Variants in DBR1 observed in about 807,000 individuals in gnomAD.
DBR1 encodes debranching RNA lariats 1.
In DBR1, 33 loss-of-function variants were observed where a neutral mutation model predicts 45.9. That is an observed-to-expected ratio of 0.72 (90% CI 0.55 to 0.96). DBR1 has a LOEUF of 0.96. Ranked by LOEUF, DBR1 falls within the 40% of genes least tolerant of loss-of-function variation. The probability of loss-of-function intolerance (pLI) is 0.00; values close to 1 mark genes in which losing one functional copy is unlikely to be tolerated. For synonymous variants in DBR1, 235 were observed against 235.9 expected (o/e 1.00, Z 0.04); for missense variants, 619 against 667.4 (o/e 0.93, Z 0.80).
At chr3:138,166,485 AAT>A (rs2042930945) in intron 5 of DBR1, among the ~76,000 whole-genome samples, 1 of 152,156 alleles carries the variant, frequency 6.6e-6, no homozygotes, top group Non-Finnish European at 1.5e-5. Context: ...CTTTTACATA[AAT>A]AGCCTGCTCT....
At chr3:138,162,641 G>A in intron 7 of DBR1, 59 bp from the exon 8 acceptor site, 1 of 1,379,718 alleles carries the variant, frequency 7.2e-7, no homozygotes, top group South Asian at 1.4e-5. Flanking sequence ...AATAAATGAT[G>A]AAATCTAATT....
chr3:138,174,212 G>T (rs1325066251), intron 1 of DBR1, among the ~76,000 whole-genome samples: 2 of 151,960 alleles, frequency 1.3e-5, no homozygotes, highest in Non-Finnish European at 2.9e-5. Flanking sequence ...AAAACTTCAG[G>T]ATCATTGAAT....
At chr3:138,170,299 C>A (rs533589629) in intron 3 of DBR1, 107 bp from the exon 4 acceptor site, 220 of 672,830 alleles carry the variant, frequency 3.3e-4, no homozygotes, top group Non-Finnish European at 3.5e-4. Flanking sequence ...TCAATATATA[C>A]GATTTTAAAA....
chr3:138,163,824 T>G lies in DBR1; in HGVS notation c.749A>C (p.Lys250Thr). 6.2e-7 allele frequency: 1 copy of G among 1,613,194 alleles called. No individual in the cohort carries two copies. The highest frequency in any genetic ancestry group is 8.5e-7 in the Non-Finnish European group (1 of 1,179,460). ...KDKGQTARAT[K>T]FLALDKCLPH... ...TAAGCATTTGTCCAAGGCTAAAAAT[T>G]TGGTTGCTCTGGCTGTCTGTCCTTT... Residue 250 changes from lysine to threonine, a missense_variant, in exon 6 of 8, where the codon AAA becomes ACA. Physicochemically the swap from Lys to Thr is moderately conservative, Grantham distance 78. Transcript: ENST00000260803.
At chr3:138,173,196 T>C (rs1429706918) in intron 2 of DBR1, among the ~76,000 whole-genome samples, 1 of 146,738 alleles carries the variant, frequency 6.8e-6, no homozygotes, top group Non-Finnish European at 1.5e-5. Flanking sequence ...TGCTTAAGAA[T>C]TTCTATTAAT....
intron 5 of DBR1, among the ~76,000 whole-genome samples, chr3:138,164,593 T>C (rs1372246005): frequency 6.6e-6 from 1 of 152,206 alleles, no homozygotes; most frequent in Non-Finnish European, 1.5e-5. Flanking sequence ...TTAGCACAAC[T>C]CTGGAAATTT....
In DBR1 at chr3:138,173,150, A is replaced by C. The variant is rs113044839; in HGVS notation, c.322+352T>G. On this transcript the variant is annotated intron_variant, in intron 2 of 7. Coordinates refer to ENST00000260803, the MANE Select transcript of DBR1 (RefSeq NM_016216.4). ...TAGTCGTTGAAGCTGGTTAACAGGT[A>C]CTGAGATTCATCATACTATTCTCTA... Among the ~76,000 whole-genome samples, 342 of 151,724 alleles carry C rather than the reference A, an allele frequency of 2.3e-3. 2 individuals carry two copies. The highest frequency in any genetic ancestry group is 7.6e-3 in the African/African-American group (316 of 41,416).
rs775292660 is a variant in DBR1 at position 138,173,504 on chromosome 3, AAAT to A, written c.317_319del (p.Tyr106del). The A allele has an allele frequency of 6.2e-7, 1 of 1,613,464 alleles. No individual in the cohort carries two copies. Among genetic ancestry groups the A allele is most frequent in the African/African-American group, 1.3e-5 (1 of 74,924 alleles). On this transcript the variant is annotated inframe_deletion, in exon 2 of 8. Coordinates refer to ENST00000260803, the MANE Select transcript of DBR1 (RefSeq NM_016216.4). ...TATCCACAAACACAATCACATACCTAAATAATAAATGTTTGGTGCCACCCAGCC... is the reference window on the plus strand; with the variant it reads ...TATCCACAAACACAATCACATACCTAAATAAATGTTTGGTGCCACCCAGCC...
intron 5 of DBR1, among the ~76,000 whole-genome samples, chr3:138,166,677 A>G (rs1261490440): frequency 1.3e-5 from 2 of 152,068 alleles, no homozygotes; most frequent in Non-Finnish European, 2.9e-5. Flanking sequence ...ATCAGTCCCT[A>G]TGCCTTAGTC....
intron 5 of DBR1, 127 bp from the exon 6 acceptor site, chr3:138,163,985 T>C: frequency 1.7e-6 from 1 of 579,548 alleles, no homozygotes; most frequent in Non-Finnish European, 2.9e-6. Flanking sequence ...AAGGAATGAC[T>C]GTTACTTTTC....
intron 4 of DBR1, among the ~76,000 whole-genome samples, chr3:138,168,801 G>GA (rs1422103768): frequency 2.0e-5 from 3 of 151,742 alleles, no homozygotes; most frequent in African/African-American, 7.3e-5. Context: ...TAAAAAATAT[G>GA]AAAAAAATTA....
intron 1 of DBR1, among the ~76,000 whole-genome samples, 184 bp downstream of exon 1, chr3:138,174,415 C>G (rs1473705264): frequency 2.0e-5 from 3 of 152,188 alleles, no homozygotes; most frequent in Non-Finnish European, 4.4e-5. Flanking sequence ...TGGTACCTAA[C>G]TGAATACAGT....
In DBR1 at chr3:138,162,237, T is replaced by C; in HGVS notation, c.1287A>G (p.Ile429Met). ...SALSSINPDE[I>M]MLDEEEDEDS... The stretch of plus-strand genomic sequence containing the variant: ...CTTCATCTTCTTCTTCATCTAACAT[T>C]ATTTCATCTGGATTAATAGAAGACA... The change falls in exon 8 of 8, where the codon ATA becomes ATG. Residue 429 changes from isoleucine to methionine, a missense_variant. Transcript: ENST00000260803. 2 of 1,614,160 alleles carry C rather than the reference T, an allele frequency of 1.2e-6. No homozygotes were observed. Among genetic ancestry groups the C allele is most frequent in the Non-Finnish European group, 1.7e-6 (2 of 1,180,004 alleles).
chr3:138,173,683 AGTTCC>A, intron 1 of DBR1, 57 bp from the exon 2 acceptor site: 1 of 1,501,824 alleles, frequency 6.7e-7, no homozygotes, highest in Non-Finnish European at 8.9e-7. Flanking sequence ...AAAGCAAATA[AGTTCC>A]GAAAAAAAAA....
intron 4 of DBR1, among the ~76,000 whole-genome samples, chr3:138,169,060 T>A (rs2042943167): frequency 6.6e-6 from 1 of 152,124 alleles, no homozygotes; most frequent in Non-Finnish European, 1.5e-5. Context: ...GAAAATCTAT[T>A]TAAGGGAACT....
chr3:138,163,690 G>T, intron 6 of DBR1, 88 bp downstream of exon 6: 1 of 1,014,890 alleles, frequency 9.9e-7, no homozygotes. Context: ...ATTACAAACA[G>T]AACAAAAAAA....
Position 138,174,731 on chromosome 3 carries a change from A to C in DBR1, c.65T>G (p.Leu22Arg). 6.2e-7 allele frequency: 1 copy of C among 1,612,812 alleles called. No homozygotes were observed. Among genetic ancestry groups the C allele is most frequent in the Non-Finnish European group, 8.5e-7 (1 of 1,179,730 alleles). The change falls in exon 1 of 8, where the codon CTG (leucine) becomes CGG (arginine). Residue 22 changes from leucine (L) to arginine (R), a missense_variant. Around this residue, in one of 3 missense-constraint regions of DBR1, gnomAD observed 430 missense variants for 447.7 expected, o/e 0.96. Transcript: ENST00000260803. ...AGGCCCCGGGCCGCGCCGCTCTGCCAGCGCCAGCGTCTCATAGATCTTATC... is the reference window on the plus strand; with the variant it reads ...AGGCCCCGGGCCGCGCCGCTCTGCCCGCGCCAGCGTCTCATAGATCTTATC... ...ELDKIYETLA[L>R]AERRGPGPVD...
chr3:138,168,595 C>A (rs2042940972), intron 4 of DBR1, among the ~76,000 whole-genome samples: 1 of 151,446 alleles, frequency 6.6e-6, no homozygotes. Context: ...TATGACTAAC[C>A]ACTGAATAAC....
At position 138,162,208 on chromosome 3, in the gene DBR1, C is replaced by G; in HGVS notation, c.1316G>C (p.Ser439Thr). The G allele has an allele frequency of 6.2e-7, 1 of 1,614,136 alleles. No individual in the cohort carries two copies. The highest frequency in any genetic ancestry group is 8.5e-7 in the Non-Finnish European group (1 of 1,180,046). The stretch of plus-strand genomic sequence containing the variant: ...CATGCCACTATGTGCACTTACAATA[C>G]TATCTTCATCTTCTTCTTCATCTAA... ...IMLDEEEDEDSIVSAHSGMNT... is the reference protein window; with the variant it reads ...IMLDEEEDEDTIVSAHSGMNT... Residue 439 changes from serine (S) to threonine (T), a missense_variant, in exon 8 of 8, where the codon AGT becomes ACT. Coordinates refer to ENST00000260803, the MANE Select transcript of DBR1 (RefSeq NM_016216.4).
Sources: gnomAD v4.1 joint callset for allele counts (sites outside exome capture counted in the v4.1 genomes callset) on GRCh38, gnomAD v4.1.1 for gene constraint, gnomAD v4.1.1 regional missense constraint, MANE v1.5 for transcripts, NCBI Gene and HGNC (gene_info 2026-07-23, HGNC 2026-07-21) for gene names.